LRRC4C: variants seen among roughly 807,000 people sequenced by gnomAD.
LRRC4C encodes the protein leucine rich repeat containing 4C.
Under a neutral mutation model 33.6 loss-of-function variants are expected in LRRC4C, and 5 were observed. The observed-to-expected ratio is 0.15, with a 90% CI of 0.08 to 0.31. The LOEUF (loss-of-function observed/expected upper bound fraction) is 0.31, where lower values mean the gene tolerates loss of function less well. Ranked by LOEUF, LRRC4C falls within the 10% of genes least tolerant of loss-of-function variation. The probability of loss-of-function intolerance (pLI) is 1.00; values close to 1 mark genes in which losing one functional copy is unlikely to be tolerated. For missense variants in LRRC4C, 560 were observed against 796.7 expected (o/e 0.70, Z 3.58); for synonymous variants, 329 against 302.0 (o/e 1.09, Z -0.93).
At chr11:41,072,168 A>G (rs750758635) in intron 1 of LRRC4C, among the ~76,000 whole-genome samples, 1 of 152,162 alleles carries the variant, frequency 6.6e-6, no homozygotes, top group Non-Finnish European at 1.5e-5. Flanking sequence ...GCAGCAGCAC[A>G]GTTGGGAGGA....
chr11:40,922,741 CA>C (rs2097955083), intron 2 of LRRC4C, among the ~76,000 whole-genome samples: 1 of 152,114 alleles, frequency 6.6e-6, no homozygotes, highest in Admixed American at 6.5e-5. Context: ...ATAAATTTTG[CA>C]AACAAATGCA....
At chr11:41,076,483 G>A (rs573897112) in intron 1 of LRRC4C, among the ~76,000 whole-genome samples, 32 of 152,312 alleles carry the variant, frequency 2.1e-4, no homozygotes, top group South Asian at 1.0e-3. Context: ...GCAGGAGAGC[G>A]AGAGAGTGAA....
intron 3 of LRRC4C, among the ~76,000 whole-genome samples, chr11:40,440,955 C>T (rs563172461): frequency 3.3e-5 from 5 of 151,856 alleles, no homozygotes; most frequent in Middle Eastern, 3.4e-3. Context: ...TGACTTCATA[C>T]TCAAGTTACT....
At chr11:40,606,466 A>T (rs575804805) in intron 3 of LRRC4C, among the ~76,000 whole-genome samples, 1 of 152,072 alleles carries the variant, frequency 6.6e-6, no homozygotes, top group East Asian at 1.9e-4. Flanking sequence ...ACTAGGAGAG[A>T]TTTTTTTTCA....
intron 1 of LRRC4C, among the ~76,000 whole-genome samples, chr11:41,106,695 T>C (rs1173300692): frequency 2.0e-5 from 3 of 152,070 alleles, no homozygotes; most frequent in African/African-American, 4.8e-5. Flanking sequence ...CATCAGAGAA[T>C]AGTACGGGTT....
intron 1 of LRRC4C, among the ~76,000 whole-genome samples, chr11:41,137,818 TTACTC>T (rs1374944262): frequency 6.6e-6 from 1 of 152,210 alleles, no homozygotes; most frequent in Non-Finnish European, 1.5e-5. Context: ...AGGAGGAGCT[TTACTC>T]TAAAAATATC....
In LRRC4C at chr11:40,233,478, T is replaced by C. The variant is rs570615772; in HGVS notation, c.-96+8041A>G. ...AAATACTGTTAATCAGCTGATCAAA[T>C]ACAGTTATTTAGAAAAGGCAAGATA... On this transcript the variant is annotated intron_variant, in intron 5 of 6. Transcript: ENST00000528697. Among the ~76,000 whole-genome samples, 8 of 152,226 alleles carry C rather than the reference T, an allele frequency of 5.3e-5. No individual in the cohort carries two copies. The South Asian group carries it at 6.2e-4, about 12-fold the overall frequency.
chr11:41,011,040 G>A (rs1190819660), intron 1 of LRRC4C, among the ~76,000 whole-genome samples: 3 of 152,046 alleles, frequency 2.0e-5, no homozygotes, highest in Admixed American at 1.3e-4. Flanking sequence ...TGACCTCTTT[G>A]GGTATATACA....
chr11:40,919,458 A>C (rs1447300040), intron 2 of LRRC4C, among the ~76,000 whole-genome samples: 1 of 152,166 alleles, frequency 6.6e-6, no homozygotes, highest in African/African-American at 2.4e-5. Flanking sequence ...GGTTCACTTT[A>C]AACGTCAGCC....
At chr11:40,829,618 A>C (rs1009356765) in intron 2 of LRRC4C, among the ~76,000 whole-genome samples, 2 of 152,076 alleles carry the variant, frequency 1.3e-5, no homozygotes, top group African/African-American at 4.8e-5. Flanking sequence ...GCCAAAACTA[A>C]TGACATTTGA....
chr11:40,180,234 T>C (rs146272450), intron 5 of LRRC4C, among the ~76,000 whole-genome samples: 17 of 152,376 alleles, frequency 1.1e-4, no homozygotes, highest in African/African-American at 4.1e-4. Flanking sequence ...AGAATGTTTT[T>C]ACAACTAGAA....
rs59350888 is a variant in LRRC4C at position 41,034,607 on chromosome 11, GTATATATATATA to G, written c.-495-100896_-495-100885del. Among the ~76,000 whole-genome samples, 382 of 97,080 alleles carry G rather than the reference GTATATATATATA, an allele frequency of 3.9e-3. 9 individuals carry two copies. The highest frequency in any genetic ancestry group is 0.025 in the Admixed American group (247 of 9,700). The allele number at this position is 97,080 out of a possible 152,430, so 63.7% of individuals were successfully genotyped here. ...TGTTTTTCTAAAAAAATATGGTGACGTATATATATATATATATATATATATATATATGAGGTG... is the reference window on the plus strand; with the variant it reads ...TGTTTTTCTAAAAAAATATGGTGACGTATATATATATATATATATGAGGTG... On this transcript the variant is annotated intron_variant, in intron 1 of 6. Coordinates refer to ENST00000528697, the MANE Select transcript of LRRC4C (RefSeq NM_001258419.2).
chr11:40,465,784 G>A (rs1308892964), intron 3 of LRRC4C, among the ~76,000 whole-genome samples: 3 of 151,948 alleles, frequency 2.0e-5, no homozygotes, highest in Admixed American at 6.6e-5. Context: ...AATAACAGAT[G>A]TTGGTGAGGA....
At chr11:40,339,613 A>G (rs1223779034) in intron 3 of LRRC4C, among the ~76,000 whole-genome samples, 1 of 152,208 alleles carries the variant, frequency 6.6e-6, no homozygotes, top group Non-Finnish European at 1.5e-5. Context: ...TACTTAGTAC[A>G]TTGAAGCCCT....
intron 2 of LRRC4C, among the ~76,000 whole-genome samples, chr11:40,710,091 A>T (rs1946383690): frequency 2.0e-5 from 3 of 152,164 alleles, no homozygotes; most frequent in African/African-American, 7.2e-5. Flanking sequence ...CTATTCGTCT[A>T]ATCTTTTTTC....
rs561617157 is a variant in LRRC4C, at chr11:40,289,818, C to G, written c.-176+29810G>C. 2.6e-5 allele frequency among the ~76,000 whole-genome samples: 4 copies of G among 152,228 alleles called. No individual in the cohort carries two copies. In the South Asian group the frequency reaches 8.3e-4, roughly 32 times the overall value. ...TGACACCTTAGATGCCCCATTAACTCCAGATTTGCAAATGTTTAAGTGGAG... is the reference window on the plus strand; with the variant it reads ...TGACACCTTAGATGCCCCATTAACTGCAGATTTGCAAATGTTTAAGTGGAG... On this transcript the variant is annotated intron_variant, in intron 4 of 6. Transcript: ENST00000528697.
intron 2 of LRRC4C, among the ~76,000 whole-genome samples, chr11:40,862,888 A>C (rs928279700): frequency 5.3e-5 from 8 of 152,232 alleles, no homozygotes; most frequent in African/African-American, 1.9e-4. Flanking sequence ...TTTATTAAGT[A>C]GTAGTTCAGC....
intron 3 of LRRC4C, among the ~76,000 whole-genome samples, chr11:40,429,145 C>A (rs558958018): frequency 6.6e-6 from 1 of 152,258 alleles, no homozygotes; most frequent in East Asian, 1.9e-4. Flanking sequence ...AAGTTTCAGG[C>A]ATTGTGCAAC....
At chr11:41,263,606 A>G (rs182872427) in intron 1 of LRRC4C, among the ~76,000 whole-genome samples, 2 of 152,272 alleles carry the variant, frequency 1.3e-5, no homozygotes, top group Admixed American at 1.3e-4. Flanking sequence ...CACACATTGA[A>G]TATGTTTTGA....
Sources: allele counts gnomAD v4.1 joint callset (sites outside exome capture counted in the v4.1 genomes callset), GRCh38; gene constraint gnomAD v4.1.1; transcripts MANE v1.5; gene names NCBI Gene and HGNC (gene_info 2026-07-23, HGNC 2026-07-21).